SLC25A12: variants seen among roughly 807,000 people sequenced by gnomAD.
The protein encoded by SLC25A12 is electrogenic aspartate/glutamate antiporter SLC25A12, mitochondrial.
A neutral mutation model predicts 83.3 loss-of-function variants in SLC25A12; 32 were observed. The observed-to-expected ratio is 0.38, with a 90% CI of 0.29 to 0.52. SLC25A12 has a LOEUF of 0.52. SLC25A12 is among the 20% of genes least tolerant of loss of function. The probability of loss-of-function intolerance (pLI) is 0.84; values close to 1 mark genes in which losing one functional copy is unlikely to be tolerated. For synonymous variants in SLC25A12, 267 were observed against 291.1 expected, an observed-to-expected ratio of 0.92 and a Z score of 0.84; for missense variants, 611 against 835.6, an observed-to-expected ratio of 0.73 and a Z score of 3.31.
At chr2:171,838,907 T>G (rs962787428) in intron 5 of SLC25A12, among the ~76,000 whole-genome samples, 3 of 152,138 alleles carry the variant, frequency 2.0e-5, no homozygotes, top group African/African-American at 7.2e-5. Flanking sequence ...CACTATTCTC[T>G]CTACTTTTGA....
At chr2:171,856,199 G>A (rs13384761) in intron 3 of SLC25A12, among the ~76,000 whole-genome samples, 1 of 152,076 alleles carries the variant, frequency 6.6e-6, no homozygotes, top group Admixed American at 6.6e-5. Flanking sequence ...GAGAGAACCA[G>A]GCAAAATATA....
At chr2:171,880,060 T>A (rs974193055) in intron 2 of SLC25A12, among the ~76,000 whole-genome samples, 1 of 152,160 alleles carries the variant, frequency 6.6e-6, no homozygotes, top group African/African-American at 2.4e-5. Flanking sequence ...AGGAGCTACA[T>A]ACTGAACTAT....
chr2:171,813,582 T>A (rs1683990507), intron 10 of SLC25A12, 85 bp from the exon 11 acceptor site: 13 of 1,425,700 alleles, frequency 9.1e-6, no homozygotes, highest in Middle Eastern at 2.0e-4. Context: ...TCTTAAAGGA[T>A]GAGAAAATAA....
chr2:171,809,762 C>A (rs1683911987), intron 12 of SLC25A12, 76 bp from the exon 13 acceptor site: 2 of 1,016,110 alleles, frequency 2.0e-6, no homozygotes, highest in South Asian at 2.5e-5. Context: ...TTTTCCAAGT[C>A]AGCAAAATAT....
intron 2 of SLC25A12, among the ~76,000 whole-genome samples, chr2:171,886,658 C>T (rs932112383): frequency 4.6e-5 from 7 of 151,932 alleles, no homozygotes; most frequent in South Asian, 2.1e-4. Context: ...TACAGGCACC[C>T]GCCACCATGC....
chr2:171,812,620 G>GA (rs869108352), intron 11 of SLC25A12, among the ~76,000 whole-genome samples: 1 of 45,390 alleles, frequency 2.2e-5, no homozygotes, highest in Admixed American at 2.0e-4. Context: ...CAAAGACAAC[G>GA]GGGGGTGGGG....
chr2:171,815,270 T>G (rs774970897), intron 9 of SLC25A12, 68 bp from the exon 10 acceptor site: 31 of 1,104,728 alleles, frequency 2.8e-5, no homozygotes, highest in Non-Finnish European at 4.0e-5. Flanking sequence ...AGCTACAATT[T>G]GACTATTTTA....
Position 171,834,768 on chromosome 2 carries a change from C to T in SLC25A12, c.710G>A (p.Ser237Asn). Residue 237 changes from serine (S) to asparagine (N), a missense_variant, in exon 7 of 18, where the codon AGC (serine) becomes AAC (asparagine). By Grantham distance (46) the Ser-to-Asn change is conservative. Around this residue, in one of 3 missense-constraint regions of SLC25A12, gnomAD observed 540 missense variants for 777.5 expected, o/e 0.69. Transcript: ENST00000422440. ...ATCTTTCCTTGTGCCAGCTAGAGTG[C>T]TATATATCTTACGAACAAGCTCCAT... ...NNMELVRKIYSTLAGTRKDVE... is the reference protein window; with the variant it reads ...NNMELVRKIYNTLAGTRKDVE... 2 of 1,613,844 alleles carry T rather than the reference C, an allele frequency of 1.2e-6. No homozygotes were observed. Among genetic ancestry groups the T allele is most frequent in the Non-Finnish European group, 1.7e-6 (2 of 1,179,942 alleles).
chr2:171,819,376 T>TA (rs1363897426), intron 9 of SLC25A12, among the ~76,000 whole-genome samples: 93 of 44,858 alleles, frequency 2.1e-3, no homozygotes, highest in African/African-American at 4.8e-3. Flanking sequence ...ATATAATATA[T>TA]TATATATAAT....
intron 3 of SLC25A12, among the ~76,000 whole-genome samples, chr2:171,867,867 T>G (rs1206144290): frequency 6.6e-6 from 1 of 152,220 alleles, no homozygotes; most frequent in East Asian, 1.9e-4. Flanking sequence ...TTTTCTGAGA[T>G]GGAGCCTCGC....
intron 14 of SLC25A12, among the ~76,000 whole-genome samples, chr2:171,791,939 A>G (rs1312364700): frequency 6.6e-6 from 1 of 152,062 alleles, no homozygotes; most frequent in Admixed American, 6.5e-5. Flanking sequence ...TATGGTAAAA[A>G]CACACAAGAT....
chr2:171,867,309 C>T (rs1232270448), intron 3 of SLC25A12, among the ~76,000 whole-genome samples: 1 of 150,386 alleles, frequency 6.6e-6, no homozygotes, highest in Admixed American at 6.6e-5. Context: ...TGTAGCGAGC[C>T]GAGATCACAC....
At chr2:171,843,266 T>C (rs1020121664) in intron 5 of SLC25A12, among the ~76,000 whole-genome samples, 2 of 152,142 alleles carry the variant, frequency 1.3e-5, no homozygotes, top group Admixed American at 6.5e-5. Context: ...ATCTTAATAA[T>C]TGGGCCAAGG....
chr2:171,870,458 C>A (rs928794385), intron 2 of SLC25A12, among the ~76,000 whole-genome samples: 3 of 151,624 alleles, frequency 2.0e-5, no homozygotes, highest in Non-Finnish European at 4.4e-5. Context: ...CCCATCTCTA[C>A]AAAAATACAC....
intron 14 of SLC25A12, 126 bp from the exon 15 acceptor site, chr2:171,791,715 C>A: frequency 1.2e-6 from 1 of 867,128 alleles, no homozygotes; most frequent in East Asian, 2.5e-5. Context: ...TGAGGTGTCC[C>A]TTAAACAGCA....
At chr2:171,813,545 G>A (rs371651287) in intron 10 of SLC25A12, 48 bp from the exon 11 acceptor site, 441 of 1,582,086 alleles carry the variant, frequency 2.8e-4, no homozygotes, top group Non-Finnish European at 3.4e-4. Context: ...CAATTAAATG[G>A]AGAGTCCATA....
chr2:171,863,976 T>C (rs943814480), intron 3 of SLC25A12, among the ~76,000 whole-genome samples: 5 of 152,192 alleles, frequency 3.3e-5, no homozygotes, highest in African/African-American at 1.2e-4. Context: ...GAACACATAG[T>C]AAATTTCACA....
At chr2:171,812,628 G>A (rs1683969956) in intron 11 of SLC25A12, among the ~76,000 whole-genome samples, 1 of 151,960 alleles carries the variant, frequency 6.6e-6, no homozygotes, top group African/African-American at 2.4e-5. Context: ...ACGGGGGGTG[G>A]GGAAAATTCT....
At position 171,787,618 on chromosome 2, in the gene SLC25A12, G is replaced by A. The variant is rs1356505199; in HGVS notation, c.1788C>T (p.Val596=). The change falls in exon 17 of 18, where the codon GTC becomes GTT. Residue 596 remains valine (V), a synonymous_variant. Coordinates refer to ENST00000422440, the MANE Select transcript of SLC25A12 (RefSeq NM_003705.5). ...RSSPQFGVTL[V]TYELLQRWFY... is the part of the protein sequence containing the mutation. ...ACCACCGCTGGAGAAGTTCATAAGTGACCAAGGTAACACCAAACTGGGGAG... is the reference window on the plus strand; with the variant it reads ...ACCACCGCTGGAGAAGTTCATAAGTAACCAAGGTAACACCAAACTGGGGAG... 3.1e-6 allele frequency: 5 copies of A among 1,614,016 alleles called. No homozygotes were observed.
Sources: gnomAD v4.1 joint callset for allele counts (sites outside exome capture counted in the v4.1 genomes callset) on GRCh38, gnomAD v4.1.1 for gene constraint, gnomAD v4.1.1 regional missense constraint, MANE v1.5 for transcripts, NCBI Gene and HGNC (gene_info 2026-07-23, HGNC 2026-07-21) for gene names.